The following CDH4 variants were observed in gnomAD, a reference collection of about 807,000 sequenced individuals.
The protein encoded by CDH4 is cadherin 4, also known as cadherin-4.
A neutral mutation model predicts 86.0 loss-of-function variants in CDH4; 33 were observed. That is an observed-to-expected ratio of 0.38 (90% CI 0.29 to 0.51). The LOEUF (loss-of-function observed/expected upper bound fraction) is 0.51, where lower values mean the gene tolerates loss of function less well. Among genes scored for constraint, CDH4 ranks in the 20% least tolerant of loss-of-function variants. CDH4 has a pLI of 0.86. For synonymous variants in CDH4, 555 were observed against 549.4 expected, an observed-to-expected ratio of 1.01 and a Z score of -0.14; for missense variants, 1,114 against 1,307.4, an observed-to-expected ratio of 0.85 and a Z score of 2.28.
chr20:61,777,870 G>A (rs981879029), intron 4 of CDH4, among the ~76,000 whole-genome samples: 35 of 148,002 alleles, frequency 2.4e-4, no homozygotes, highest in African/African-American at 7.2e-4. Context: ...GCGCACGCAC[G>A]TGCATACTAT....
intron 2 of CDH4, among the ~76,000 whole-genome samples, chr20:61,296,860 G>A (rs1398262340): frequency 6.6e-6 from 1 of 152,112 alleles, no homozygotes; most frequent in Non-Finnish European, 1.5e-5. Flanking sequence ...AAGGAGGGAC[G>A]GGGGTGGAGA....
chr20:61,279,214 C>G (rs1238212974), intron 2 of CDH4, among the ~76,000 whole-genome samples: 1 of 152,206 alleles, frequency 6.6e-6, no homozygotes, highest in Non-Finnish European at 1.5e-5. Context: ...GAGCCAGGCT[C>G]CAGAGGGACA....
chr20:61,506,944 G>A (rs555517917), intron 2 of CDH4, among the ~76,000 whole-genome samples: 1 of 152,372 alleles, frequency 6.6e-6, no homozygotes, highest in South Asian at 2.1e-4. Context: ...ATTCAGACAT[G>A]AGGCTGTGGA....
At chr20:61,476,413 G>A (rs1471206791) in intron 2 of CDH4, among the ~76,000 whole-genome samples, 1 of 152,152 alleles carries the variant, frequency 6.6e-6, no homozygotes. Flanking sequence ...AACATGTGTG[G>A]TCTGAACATA....
chr20:61,363,553 G>A (rs1020390775), intron 2 of CDH4, among the ~76,000 whole-genome samples: 2 of 152,144 alleles, frequency 1.3e-5, no homozygotes, highest in African/African-American at 4.8e-5. Context: ...TTAAATAAGG[G>A]GGATCTGGCC....
intron 2 of CDH4, among the ~76,000 whole-genome samples, chr20:61,601,265 C>T (rs2086598329): frequency 6.6e-6 from 1 of 152,168 alleles, no homozygotes; most frequent in Non-Finnish European, 1.5e-5. Flanking sequence ...CTCATGAGAG[C>T]TTACTCACTG....
At chr20:61,722,870 C>T (rs796207670) in intron 2 of CDH4, among the ~76,000 whole-genome samples, 6 of 152,216 alleles carry the variant, frequency 3.9e-5, no homozygotes, top group African/African-American at 1.2e-4. Context: ...TGAAAATTTC[C>T]AAGAAGAGAG....
At chr20:61,837,855 T>A (rs1042587871) in intron 4 of CDH4, among the ~76,000 whole-genome samples, 4 of 152,066 alleles carry the variant, frequency 2.6e-5, no homozygotes, top group African/African-American at 9.7e-5. Context: ...CCATGTATCA[T>A]CCAGGCCAGC....
chr20:61,802,207 A>G (rs746205858), intron 4 of CDH4, among the ~76,000 whole-genome samples: 34 of 152,222 alleles, frequency 2.2e-4, no homozygotes, highest in Non-Finnish European at 3.7e-4. Flanking sequence ...CCCCTGTGGC[A>G]GCCCCAGAAA....
intron 4 of CDH4, among the ~76,000 whole-genome samples, chr20:61,790,097 A>T (rs979732756): frequency 6.6e-6 from 1 of 151,650 alleles, no homozygotes. Context: ...ATGTATCCAC[A>T]CTTCTACCTA....
At chr20:61,500,742 A>G (rs752206801) in intron 2 of CDH4, among the ~76,000 whole-genome samples, 14 of 152,234 alleles carry the variant, frequency 9.2e-5, no homozygotes, top group Non-Finnish European at 1.5e-4. Context: ...GCATGTTAAT[A>G]TTTAGTCTTT....
In CDH4 at chr20:61,417,710, C is replaced by T. The variant is rs919193328; in HGVS notation, c.169+162773C>T. Reference sequence around the variant, plus strand: ...CTCCTGACTTGTATTACTCATTTTACGGCTGGAGACAGGTGCACATGGCGG... The same window carrying T: ...CTCCTGACTTGTATTACTCATTTTATGGCTGGAGACAGGTGCACATGGCGG... On this transcript the variant is annotated intron_variant, in intron 2 of 15. Coordinates refer to ENST00000614565, the MANE Select transcript of CDH4 (RefSeq NM_001794.5). This position sits in a 1 kb window ranked among gnomAD's most constrained non-coding sequence, Gnocchi z 4.0. Among the ~76,000 whole-genome samples, 3 of 152,174 alleles carry T rather than the reference C, an allele frequency of 2.0e-5. No homozygotes were observed. The highest frequency in any genetic ancestry group is 4.8e-5 in the African/African-American group (2 of 41,452).
At chr20:61,395,769 C>T (rs2085013404) in intron 2 of CDH4, among the ~76,000 whole-genome samples, 1 of 152,148 alleles carries the variant, frequency 6.6e-6, no homozygotes. Flanking sequence ...AACAGGGAGA[C>T]TCTGTTTCAA....
Position 61,928,294 on chromosome 20 carries a change from C to A in CDH4, c.1876C>A (p.Pro626Thr). 1.9e-6 allele frequency: 3 copies of A among 1,610,412 alleles called. No individual in the cohort carries two copies. Among genetic ancestry groups the A allele is most frequent in the Non-Finnish European group, 2.5e-6 (3 of 1,179,962 alleles). ...CAAGGAGGCGCAGATCTGCGAGAAG[C>A]CCAACCTGAACGCCATCAACATCAC... ...LPKEAQICEK[P>T]NLNAINITAA... is the part of the protein sequence containing the mutation. The change falls in exon 12 of 16, where the codon CCC (proline) becomes ACC (threonine). Residue 626 changes from proline to threonine, a missense_variant. By Grantham distance (38) the Pro-to-Thr change is conservative. Around this residue, in one of 3 missense-constraint regions of CDH4, gnomAD observed 705 missense variants for 914.1 expected, o/e 0.77. Transcript: ENST00000614565.
chr20:61,470,964 T>C (rs1458657614), intron 2 of CDH4, among the ~76,000 whole-genome samples: 5 of 152,074 alleles, frequency 3.3e-5, no homozygotes, highest in Admixed American at 1.3e-4. Context: ...ATTTTTGCAT[T>C]AATATTCATC....
At chr20:61,523,681 G>A (rs1053623565) in intron 2 of CDH4, among the ~76,000 whole-genome samples, 23 of 152,218 alleles carry the variant, frequency 1.5e-4, no homozygotes, top group African/African-American at 5.5e-4. Flanking sequence ...GTGGGGCCAG[G>A]AGGGCACCAC....
At chr20:61,415,271 G>A (rs1253772040) in intron 2 of CDH4, among the ~76,000 whole-genome samples, 3 of 152,194 alleles carry the variant, frequency 2.0e-5, no homozygotes, top group Admixed American at 6.5e-5. Context: ...CTGCCTTCCA[G>A]TGGAAACATG....
intron 2 of CDH4, among the ~76,000 whole-genome samples, chr20:61,739,783 C>A (rs2088311066): frequency 6.6e-6 from 1 of 152,244 alleles, no homozygotes; most frequent in African/African-American, 2.4e-5. Flanking sequence ...CCGCTCCCGG[C>A]CGCTGCAGAG....
intron 7 of CDH4, among the ~76,000 whole-genome samples, chr20:61,886,550 C>T (rs1423644561): frequency 6.6e-6 from 1 of 152,200 alleles, no homozygotes; most frequent in East Asian, 1.9e-4. Context: ...GCACACCCAG[C>T]TGTGCAGGAC....
Sources: gnomAD v4.1 joint callset for allele counts (sites outside exome capture counted in the v4.1 genomes callset) on GRCh38, gnomAD v4.1.1 for gene constraint, gnomAD v4.1.1 regional missense constraint, Gnocchi (gnomAD v3.1) non-coding constraint, MANE v1.5 for transcripts, NCBI Gene and HGNC (gene_info 2026-07-23, HGNC 2026-07-21) for gene names.